The following CELF2 variants were observed in gnomAD, a reference collection of about 807,000 sequenced individuals.
The protein encoded by CELF2 is CUG triplet repeat RNA-binding protein 2.
A neutral mutation model predicts 62.6 loss-of-function variants in CELF2; 8 were observed. The observed-to-expected ratio is 0.13, with a 90% CI of 0.07 to 0.23. The LOEUF is 0.23. Ranked by LOEUF, CELF2 falls within the 10% of genes least tolerant of loss-of-function variation. The probability of loss-of-function intolerance (pLI) is 1.00; values close to 1 mark genes in which losing one functional copy is unlikely to be tolerated. For synonymous variants in CELF2, 258 were observed against 250.0 expected, an observed-to-expected ratio of 1.03 and a Z score of -0.30; for missense variants, 333 against 671.0, an observed-to-expected ratio of 0.50 and a Z score of 5.56.
chr10:10,964,797 A>G (rs919442665), intron 2 of CELF2, among the ~76,000 whole-genome samples: 1 of 123,836 alleles, frequency 8.1e-6, no homozygotes, highest in Non-Finnish European at 1.5e-5. Context: ...AGCAATAATA[A>G]TAATAGAAAC....
intron 1 of CELF2, among the ~76,000 whole-genome samples, chr10:10,887,812 G>A (rs928781928): frequency 3.6e-4 from 54 of 149,104 alleles, no homozygotes; most frequent in African/African-American, 9.4e-4. Context: ...TCGCTCTGTC[G>A]CCAGGCTGGA....
At chr10:11,197,052 A>AGAAGGAAAGAAG (rs1565233002) in intron 2 of CELF2, among the ~76,000 whole-genome samples, 2 of 31,620 alleles carry the variant, frequency 6.3e-5, no homozygotes, top group African/African-American at 2.6e-4. Context: ...AAAGAAAGAA[A>AGAAGGAAAGAAG]GAAAGAAAAG....
intron 2 of CELF2, among the ~76,000 whole-genome samples, chr10:11,210,032 T>A (rs2061426391): frequency 6.6e-6 from 1 of 152,218 alleles, no homozygotes; most frequent in African/African-American, 2.4e-5. Flanking sequence ...GCGGGTTCAC[T>A]AATTTAGCCT....
chr10:10,570,896 G>GA, the CELF2 span, among the ~76,000 whole-genome samples: 1 of 151,650 alleles, frequency 6.6e-6, no homozygotes, highest in Admixed American at 6.6e-5. Context: ...ATTTTTGCAG[G>GA]AAAAAAAAGA....
intron 2 of CELF2, among the ~76,000 whole-genome samples, chr10:10,944,496 G>A (rs979080474): frequency 6.6e-6 from 1 of 152,142 alleles, no homozygotes; most frequent in Admixed American, 6.5e-5. Flanking sequence ...AGCAAATATA[G>A]GAACTTCATT....
At chr10:10,587,003 G>A in the CELF2 span, among the ~76,000 whole-genome samples, 1 of 152,128 alleles carries the variant, frequency 6.6e-6, no homozygotes, top group African/African-American at 2.4e-5. Flanking sequence ...TTGCTAGGCT[G>A]GTTTCTGCAA....
At position 11,253,982 on chromosome 10, in the gene CELF2, T is replaced by C. The variant is rs148091851; in HGVS notation, c.404-3756T>C. On this transcript the variant is annotated intron_variant, in intron 4 of 12. Transcript: ENST00000633077. ...ACCTAGCAGAATACTGTGAACACAG[T>C]GCGTTTCATTTAAACTGACTTTCCT... 6.8e-3 allele frequency among the ~76,000 whole-genome samples: 1,037 copies of C among 152,356 alleles called. 8 individuals carry two copies. Among genetic ancestry groups the C allele is most frequent in the Non-Finnish European group, 9.6e-3 (655 of 68,042 alleles).
the CELF2 span, among the ~76,000 whole-genome samples, chr10:10,486,356 A>G: frequency 6.6e-6 from 1 of 152,216 alleles, no homozygotes. Context: ...TAATACCATG[A>G]TTTAATTTGT....
the CELF2 span, among the ~76,000 whole-genome samples, chr10:10,747,581 G>C: frequency 6.6e-6 from 1 of 152,132 alleles, no homozygotes; most frequent in African/African-American, 2.4e-5. Flanking sequence ...GAGCTAAAAA[G>C]GACAGCCTCA....
intron 1 of CELF2, among the ~76,000 whole-genome samples, chr10:11,161,835 T>A (rs1248275170): frequency 5.9e-5 from 9 of 152,296 alleles, no homozygotes; most frequent in African/African-American, 2.2e-4. Context: ...TTCCTGTAAT[T>A]ACTTCTCTTT....
rs555029219 is a variant in CELF2, at chr10:10,972,896, G to A, written c.89+52897G>A. On this transcript the variant is annotated intron_variant, in intron 2 of 13. Coordinates refer to the CELF2 transcript ENST00000636488. This position sits in a 1 kb window ranked among gnomAD's most constrained non-coding sequence, Gnocchi z 4.4. Reference sequence around the variant, plus strand: ...CTCCCTACATCATCAGCACTACAACGAAGGCACAACAGGATGATCACATGA... The same window carrying A: ...CTCCCTACATCATCAGCACTACAACAAAGGCACAACAGGATGATCACATGA... 6.6e-6 allele frequency among the ~76,000 whole-genome samples: 1 copy of A among 152,262 alleles called. No individual in the cohort carries two copies. The highest frequency in any genetic ancestry group is 1.9e-4 in the East Asian group (1 of 5,180).
the CELF2 span, among the ~76,000 whole-genome samples, chr10:10,667,418 T>G: frequency 6.6e-6 from 1 of 152,194 alleles, no homozygotes; most frequent in Non-Finnish European, 1.5e-5. Context: ...TGTGTGAGAG[T>G]GCTCTCAGGT....
At chr10:10,882,409 C>T (rs977494971) in intron 1 of CELF2, among the ~76,000 whole-genome samples, 1 of 152,162 alleles carries the variant, frequency 6.6e-6, no homozygotes, top group South Asian at 2.1e-4. Context: ...TCCATTCTGT[C>T]GTGACTTGAC....
At chr10:10,677,618 T>G in the CELF2 span, among the ~76,000 whole-genome samples, 1 of 152,174 alleles carries the variant, frequency 6.6e-6, no homozygotes, top group Non-Finnish European at 1.5e-5. Context: ...AGATTTGAGA[T>G]CCTCCATTAG....
chr10:10,851,725 C>G (rs990484938), intron 1 of CELF2, among the ~76,000 whole-genome samples: 2 of 152,074 alleles, frequency 1.3e-5, no homozygotes, highest in African/African-American at 2.4e-5. Context: ...ATCCAGAATA[C>G]GTACAAGGAA....
upstream of CELF2, among the ~76,000 whole-genome samples, chr10:11,017,562 G>A (rs995314532): frequency 2.0e-5 from 3 of 152,208 alleles, no homozygotes; most frequent in Non-Finnish European, 4.4e-5. This position sits in a 1 kb window ranked among gnomAD's most constrained non-coding sequence, Gnocchi z 5.5. Flanking sequence ...CTCGCCTCCC[G>A]CGGCTGGGCT....
At chr10:10,473,587 G>A in the CELF2 span, among the ~76,000 whole-genome samples, 4 of 152,132 alleles carry the variant, frequency 2.6e-5, no homozygotes, top group South Asian at 2.1e-4. Context: ...ATTAAATCCT[G>A]ATGAGAATGA....
chr10:10,750,206 T>C, the CELF2 span, among the ~76,000 whole-genome samples: 1 of 151,026 alleles, frequency 6.6e-6, no homozygotes, highest in East Asian at 1.9e-4. Context: ...TGCTTGAACC[T>C]GGGAGGTAGA....
rs758189252 is a variant in CELF2, at chr10:11,329,070, TC to T, written c.*20del. 2.2e-5 allele frequency: 36 copies of T among 1,600,160 alleles called. No individual in the cohort carries two copies. In the African/African-American group the frequency reaches 3.9e-4, roughly 17 times the overall value. On this transcript the variant is annotated 3_prime_UTR_variant, in exon 13 of 13. Transcript: ENST00000633077. This position sits in a 1 kb window ranked among gnomAD's most constrained non-coding sequence, Gnocchi z 5.5. ...CCTTACTGATCCTAACCCCAGAGGC[TC>T]CCTGCTCTCATTTTAGCTTTCTTAG...
Sources: gnomAD v4.1 joint callset for allele counts (sites outside exome capture counted in the v4.1 genomes callset) on GRCh38, gnomAD v4.1.1 for gene constraint, Gnocchi (gnomAD v3.1) non-coding constraint, MANE v1.5 for transcripts, NCBI Gene and HGNC (gene_info 2026-07-23, HGNC 2026-07-21) for gene names.